Variants in SSUH2 observed in about 807,000 individuals in gnomAD.
The protein encoded by SSUH2 is ssu-2 homolog, also known as protein SSUH2 homolog.
Under a neutral mutation model 55.3 loss-of-function variants are expected in SSUH2, and 47 were observed. That is an observed-to-expected ratio of 0.85 (90% CI 0.67 to 1.08). The LOEUF (loss-of-function observed/expected upper bound fraction) is 1.08, where lower values mean the gene tolerates loss of function less well. Among genes scored for constraint, SSUH2 ranks in the 50% least tolerant of loss-of-function variants. The pLI is 0.00. For missense variants in SSUH2, 535 were observed against 490.7 expected, an observed-to-expected ratio of 1.09 and a Z score of -0.85; for synonymous variants, 212 against 191.5, an observed-to-expected ratio of 1.11 and a Z score of -0.89.
At chr3:8,652,526 G>C (rs186905291) in intron 7 of SSUH2, among the ~76,000 whole-genome samples, 268 of 152,298 alleles carry the variant, frequency 1.8e-3, no homozygotes, top group Non-Finnish European at 2.9e-3. Flanking sequence ...AGGAAAGAAA[G>C]GGGAAGGGTG....
chr3:8,667,794 A>C (rs1335301215), intron 5 of SSUH2, among the ~76,000 whole-genome samples: 2 of 152,212 alleles, frequency 1.3e-5, no homozygotes, highest in Non-Finnish European at 2.9e-5. Flanking sequence ...CCTATCAGAC[A>C]AAAGACACAT....
intron 1 of SSUH2, among the ~76,000 whole-genome samples, chr3:8,640,976 G>A (rs999253982): frequency 1.3e-5 from 2 of 152,214 alleles, no homozygotes; most frequent in Middle Eastern, 6.3e-3. Context: ...GGCCACACAG[G>A]GACTGGGCTT....
At chr3:8,678,487 A>C (rs1434433884) in intron 2 of SSUH2, among the ~76,000 whole-genome samples, 2 of 133,860 alleles carry the variant, frequency 1.5e-5, no homozygotes, top group East Asian at 4.3e-4. Context: ...CCCCCATTGC[A>C]AGGGGGTGAG....
upstream of SSUH2, among the ~76,000 whole-genome samples, chr3:8,645,720 T>C (rs1042188810): frequency 6.6e-6 from 1 of 152,138 alleles, no homozygotes; most frequent in Non-Finnish European, 1.5e-5. Flanking sequence ...TGGGATTGCC[T>C]TCACCAGGGG....
At chr3:8,653,156 G>C (rs1304876968) in intron 7 of SSUH2, among the ~76,000 whole-genome samples, 1 of 152,102 alleles carries the variant, frequency 6.6e-6, no homozygotes, top group African/African-American at 2.4e-5. Context: ...CTCAAACCTG[G>C]TCATCCATCT....
In SSUH2 at chr3:8,619,919, C is replaced by T. The variant is rs1696062130; in HGVS notation, c.1077G>A (p.Val359=). The T allele has an allele frequency of 1.9e-6, 3 of 1,614,204 alleles. No homozygotes were observed. The highest frequency in any genetic ancestry group is 2.5e-6 in the Non-Finnish European group (3 of 1,180,008). Residue 359 remains valine (V), a synonymous_variant, in exon 12 of 12, where the codon GTG becomes GTA. Coordinates refer to ENST00000544814, the MANE Select transcript of SSUH2 (RefSeq NM_001256748.3). ...ACCGCTCAGGATAGTCCACCGCATA[C>T]ACCTGGTGGTCAGTGCCATAGATGT... ...VYYIYGTDHQ[V]YAVDYPERYC...
At chr3:8,633,279 A>G (rs149728198) in intron 4 of SSUH2, among the ~76,000 whole-genome samples, 6,692 of 151,656 alleles carry the variant, frequency 0.044, 214 homozygotes, top group South Asian at 0.12. Context: ...GAGTAGCTGG[A>G]ACTACAGGCA....
Position 8,625,585 on chromosome 3 carries a change from G to T in SSUH2, c.830C>A (p.Ala277Asp). 2 of 1,613,914 alleles carry T rather than the reference G, an allele frequency of 1.2e-6. No homozygotes were observed. The highest frequency in any genetic ancestry group is 1.7e-6 in the Non-Finnish European group (2 of 1,179,856). Residue 277 changes from alanine (A) to aspartate (D), a missense_variant, in exon 10 of 12, where the codon GCT (alanine) becomes GAT (aspartate). Physicochemically the swap from Ala to Asp is moderately radical, Grantham distance 126. Transcript: ENST00000544814. ...AAAGAGGTTTTCTCCTTTGGCTTTA[G>T]CAAGGAGCTCCCTGGGGCAGTTGAG... Reference protein sequence around the residue: ...HRLNCPRELLAKAKGENLFKD... With the variant: ...HRLNCPRELLDKAKGENLFKD...
Position 8,623,666 on chromosome 3 carries a change from A to T in SSUH2, c.874-10T>A. 1 of 1,414,916 alleles carries T rather than the reference A, an allele frequency of 7.1e-7. No homozygotes were observed. Among genetic ancestry groups the T allele is most frequent in the Non-Finnish European group, 9.6e-7 (1 of 1,036,836 alleles). The allele number at this position is 1,414,916 out of a possible 1,614,324, so 87.6% of individuals were successfully genotyped here. A position where few individuals can be genotyped will look rare whatever the true frequency, so the allele number is the denominator to read the frequency against. ...CCACGATGGGGTACACCTGGGGGAA[A>T]GAGAGAGAGACACAGACCACCTGGC... On this transcript the variant is annotated splice_polypyrimidine_tract_variant and intron_variant, in intron 10 of 11. Transcript: ENST00000544814.
intron 5 of SSUH2, among the ~76,000 whole-genome samples, chr3:8,667,932 C>T (rs780012700): frequency 6.6e-6 from 1 of 152,092 alleles, no homozygotes; most frequent in East Asian, 1.9e-4. Flanking sequence ...TACCCACCCA[C>T]GGAGGGAGCT....
At chr3:8,647,986 C>G (rs184686491), upstream of SSUH2, among the ~76,000 whole-genome samples, 12 of 152,318 alleles carry the variant, frequency 7.9e-5, no homozygotes, top group African/African-American at 2.6e-4. Context: ...CAAGCACCCT[C>G]CTCTCTCTGG....
intron 1 of SSUH2, among the ~76,000 whole-genome samples, chr3:8,680,961 C>A (rs1242987010): frequency 6.6e-6 from 1 of 151,652 alleles, no homozygotes; most frequent in African/African-American, 2.4e-5. Context: ...TATTATCATC[C>A]TCTCCCCCTC....
chr3:8,625,913 C>T (rs1383599763), intron 9 of SSUH2, among the ~76,000 whole-genome samples: 3 of 152,186 alleles, frequency 2.0e-5, no homozygotes, highest in Admixed American at 6.5e-5. Context: ...CTTTAATGCA[C>T]GGAAGCCCTG....
intron 1 of SSUH2, among the ~76,000 whole-genome samples, chr3:8,637,193 T>C (rs753658877): frequency 6.6e-6 from 1 of 152,184 alleles, no homozygotes; most frequent in African/African-American, 2.4e-5. Flanking sequence ...TTAAACGCCT[T>C]CTTGACTTCT....
In SSUH2 at chr3:8,635,760, G is replaced by A; in HGVS notation, c.126C>T (p.Gly42=). Residue 42 remains glycine (G), a splice_region_variant and synonymous_variant, in exon 2 of 12, where the codon GGC becomes GGT. Coordinates refer to ENST00000544814, the MANE Select transcript of SSUH2 (RefSeq NM_001256748.3). ...GAACCAAGCCCTCTTGGAACTTACT[G>A]CCCCCTTGAAGAAGCCAGTCATAGC... ...LPSYDWLLQG[G]RGQIFFPPLE... is the part of the protein sequence containing the mutation. The A allele has an allele frequency of 1.2e-5, 19 of 1,535,136 alleles. No individual in the cohort carries two copies. The highest frequency in any genetic ancestry group is 1.7e-5 in the Non-Finnish European group (19 of 1,146,406).
intron 7 of SSUH2, among the ~76,000 whole-genome samples, chr3:8,655,459 C>T (rs1286507617): frequency 2.1e-5 from 3 of 145,624 alleles, no homozygotes; most frequent in Non-Finnish European, 4.5e-5. Flanking sequence ...CCTCTTCCCC[C>T]GGGTCTCAGT....
At chr3:8,676,924 T>G (rs528858366) in intron 3 of SSUH2, among the ~76,000 whole-genome samples, 1 of 137,924 alleles carries the variant, frequency 7.3e-6, no homozygotes, top group Non-Finnish European at 1.6e-5. Flanking sequence ...CCCCCCTGGC[T>G]CTTAGGACCC....
chr3:8,679,542 GC>G (rs1705809036), intron 2 of SSUH2, among the ~76,000 whole-genome samples: 2 of 141,994 alleles, frequency 1.4e-5, no homozygotes, highest in Non-Finnish European at 3.1e-5. Context: ...GGCACCCTCA[GC>G]GAGGCAGGAA....
intron 5 of SSUH2, among the ~76,000 whole-genome samples, chr3:8,670,827 T>C (rs1258226525): frequency 6.6e-6 from 1 of 152,076 alleles, no homozygotes; most frequent in Non-Finnish European, 1.5e-5. Context: ...AGTAGCAACA[T>C]TCCCCTAGAA....
Sources: allele counts gnomAD v4.1 joint callset (sites outside exome capture counted in the v4.1 genomes callset), GRCh38; gene constraint gnomAD v4.1.1; transcripts MANE v1.5; gene names NCBI Gene and HGNC (gene_info 2026-07-23, HGNC 2026-07-21).